GSTM1: variants seen among roughly 807,000 people sequenced by gnomAD.
GSTM1 encodes glutathione S-transferase mu 1, also known as GST HB subunit 4.
In GSTM1, 6 loss-of-function variants were observed where a neutral mutation model predicts 17.3. The ratio of observed to expected loss-of-function variants is 0.35; its 90% confidence interval spans 0.19 to 0.68. GSTM1 has a LOEUF of 0.68. Among genes scored for constraint, GSTM1 ranks in the 30% least tolerant of loss-of-function variants. GSTM1 has a pLI of 0.65. For synonymous variants in GSTM1, 20 were observed against 53.6 expected (o/e 0.37, Z 2.74); for missense variants, 62 against 155.9 (o/e 0.40, Z 3.21).
At position 109,688,663 on chromosome 1, in the gene GSTM1, C is replaced by T. The variant is rs1210174534; in HGVS notation, c.113-10C>T. Reference sequence around the variant, plus strand: ...GGAGGTTTGTTTTCACTTCTTCTTCCCCACCACAGCTCCTGATTATGACAG... The same window carrying T: ...GGAGGTTTGTTTTCACTTCTTCTTCTCCACCACAGCTCCTGATTATGACAG... On this transcript the variant is annotated splice_polypyrimidine_tract_variant and intron_variant, in intron 2 of 7. Transcript: ENST00000309851. 19 of 793,712 alleles carry T rather than the reference C, an allele frequency of 2.4e-5. 7 individuals carry two copies. The Admixed American group carries it at 4.9e-4, about 20-fold the overall frequency. The allele number at this position is 793,712 out of a possible 1,614,324, so 49.2% of individuals were successfully genotyped here. A position where few individuals can be genotyped will look rare whatever the true frequency, so the allele number is the denominator to read the frequency against.
At chr1:109,688,073 G>A in intron 1 of GSTM1, 97 bp from the exon 2 acceptor site, 1 of 792,950 alleles carries the variant, frequency 1.3e-6, no homozygotes, top group Non-Finnish European at 1.8e-6. Context: ...GGTAGAGGAG[G>A]CAACGGGTAC....
rs1404800074 is a variant in GSTM1, at chr1:109,688,876, C to A, written c.177+139C>A. The A allele has an allele frequency of 4.3e-5, 21 of 492,180 alleles. 6 individuals are homozygous for A. Among genetic ancestry groups the A allele is most frequent in the Non-Finnish European group, 7.1e-5 (20 of 283,134 alleles). 30.5% of individuals were successfully genotyped at this position (492,180 alleles called of 1,614,324 possible). On this transcript the variant is annotated intron_variant, in intron 3 of 7. Coordinates refer to ENST00000309851, the MANE Select transcript of GSTM1 (RefSeq NM_000561.4). ...ACTCCTGGCTGTCTAAACAGTCCTT[C>A]CATGATGTTCTGTGTCCACCTGCAT...
chr1:109,688,540 G>A (rs1648016323), intron 2 of GSTM1, 133 bp from the exon 3 acceptor site: 1 of 401,490 alleles, frequency 2.5e-6, no homozygotes, highest in Non-Finnish European at 4.7e-6. Flanking sequence ...TGAACCCTGG[G>A]ATGTGGGACT....
At chr1:109,688,064 G>A (rs1647999015) in intron 1 of GSTM1, 106 bp from the exon 2 acceptor site, 1 of 786,940 alleles carries the variant, frequency 1.3e-6, no homozygotes, top group African/African-American at 1.9e-5. Flanking sequence ...GTGTGGGCGG[G>A]TAGAGGAGGC....
intron 7 of GSTM1, among the ~76,000 whole-genome samples, chr1:109,691,006 A>T (rs2101283865): frequency 1.2e-5 from 1 of 80,978 alleles, no homozygotes; most frequent in Non-Finnish European, 3.2e-5. Flanking sequence ...TGGCAATAGT[A>T]GGACTGACAC....
Position 109,688,076 on chromosome 1 carries a change from A to C in GSTM1, c.37-94A>C. On this transcript the variant is annotated intron_variant, in intron 1 of 7. Transcript: ENST00000309851. ...GGGGTGTGGGCGGGTAGAGGAGGCA[A>C]CGGGTACGTGCAGTGTAAACTGGGG... The C allele has an allele frequency of 2.5e-6, 2 of 794,044 alleles. 1 individual carries two copies. Among genetic ancestry groups the C allele is most frequent in the Non-Finnish European group, 3.6e-6 (2 of 549,966 alleles). 49.2% of individuals were successfully genotyped at this position (794,044 alleles called of 1,614,324 possible).
At chr1:109,687,992 G>A in intron 1 of GSTM1, 83 bp downstream of exon 1, 1 of 707,190 alleles carries the variant, frequency 1.4e-6, no homozygotes, top group Non-Finnish European at 2.1e-6. Flanking sequence ...TCTAGGGACC[G>A]TTCCTCTTCA....
chr1:109,689,159 G>A (rs760303503), intron 4 of GSTM1, 30 bp downstream of exon 4: 1 of 794,108 alleles, frequency 1.3e-6, no homozygotes, highest in South Asian at 1.8e-5. Context: ...ATGTGTGGGG[G>A]GAAGGTGGCC....
In GSTM1 at chr1:109,693,206, G is replaced by C. The variant is rs878938889; in HGVS notation, c.568G>C (p.Gly190Arg). 2 of 791,492 alleles carry C rather than the reference G, an allele frequency of 2.5e-6. No homozygotes were observed. The highest frequency in any genetic ancestry group is 3.7e-5 in the South Asian group (2 of 54,122). The allele number at this position is 791,492 out of a possible 1,614,324, so 49.0% of individuals were successfully genotyped here. A position where few individuals can be genotyped will look rare whatever the true frequency, so the allele number is the denominator to read the frequency against. The change falls in exon 8 of 8, where the codon GGC becomes CGC. Residue 190 changes from glycine to arginine, a missense_variant and splice_region_variant. Transcript: ENST00000309851. ...NLKDFISRFEGLEKISAYMKS... is the reference protein window; with the variant it reads ...NLKDFISRFERLEKISAYMKS... ...CTGGCCTTATTTTCCCCCCTCTCAG[G>C]GCTTGGAGAAGATCTCTGCCTACAT...
rs1648106167 is a variant in GSTM1, at chr1:109,691,856, G to A, written c.567+1292G>A. 7.4e-5 allele frequency among the ~76,000 whole-genome samples: 6 copies of A among 81,060 alleles called. 3 individuals carry two copies. The highest frequency in any genetic ancestry group is 2.1e-4 in the African/African-American group (6 of 28,498). 53.2% of individuals were successfully genotyped at this position (81,060 alleles called of 152,430 possible). A position where few individuals can be genotyped will look rare whatever the true frequency, so the allele number is the denominator to read the frequency against. On this transcript the variant is annotated intron_variant, in intron 7 of 7. Transcript: ENST00000309851. The stretch of plus-strand genomic sequence containing the variant: ...GGAATTTGAGGCATTAGTCCAACGG[G>A]CTTCTGAGCCTAGAATCTGTTTCCC...
rs376235785 is a variant in GSTM1 at position 109,689,029 on chromosome 1, C to G, written c.178-19C>G. On this transcript the variant is annotated intron_variant, in intron 3 of 7. Transcript: ENST00000309851. ...GCCTGGTGGCCCAACTGAGCTTCGC[C>G]GGTTTCCCATCCATCCAGCTGCCCT... is the stretch of plus-strand genomic sequence containing the variant. 2.3e-5 allele frequency: 18 copies of G among 794,804 alleles called. 4 individuals are homozygous for G. In the African/African-American group the frequency reaches 2.4e-4, roughly 11 times the overall value. The allele number at this position is 794,804 out of a possible 1,614,324, so 49.2% of individuals were successfully genotyped here. A position where few individuals can be genotyped will look rare whatever the true frequency, so the allele number is the denominator to read the frequency against.
At position 109,691,846 on chromosome 1, in the gene GSTM1, A is replaced by G. The variant is rs560539936; in HGVS notation, c.567+1282A>G. On this transcript the variant is annotated intron_variant, in intron 7 of 7. Coordinates refer to ENST00000309851, the MANE Select transcript of GSTM1 (RefSeq NM_000561.4). ...TACAGATCTGGGAATTTGAGGCATT[A>G]GTCCAACGGGCTTCTGAGCCTAGAA... Among the ~76,000 whole-genome samples the G allele has an allele frequency of 2.7e-4, 22 of 81,514 alleles. 9 individuals are homozygous for G. The South Asian group carries it at 8.1e-3, about 30-fold the overall frequency. 53.5% of individuals were successfully genotyped at this position (81,514 alleles called of 152,430 possible). A position where few individuals can be genotyped will look rare whatever the true frequency, so the allele number is the denominator to read the frequency against.
rs1296133671 is a variant in GSTM1, at chr1:109,691,635, A to G, written c.567+1071A>G. ...CTCTGCATGAGGCAGGGAGTGAGGC[A>G]CAGTGGGAGATGTATAGATGACTGC... On this transcript the variant is annotated intron_variant, in intron 7 of 7. Coordinates refer to ENST00000309851, the MANE Select transcript of GSTM1 (RefSeq NM_000561.4). Among the ~76,000 whole-genome samples the G allele has an allele frequency of 2.5e-5, 2 of 81,074 alleles. 1 individual carries two copies. Among genetic ancestry groups the G allele is most frequent in the Non-Finnish European group, 6.4e-5 (2 of 31,410 alleles). The allele number at this position is 81,074 out of a possible 152,430, so 53.2% of individuals were successfully genotyped here. A position where few individuals can be genotyped will look rare whatever the true frequency, so the allele number is the denominator to read the frequency against.
At chr1:109,687,975 G>T in intron 1 of GSTM1, 66 bp downstream of exon 1, 1 of 714,396 alleles carries the variant, frequency 1.4e-6, no homozygotes, top group Middle Eastern at 3.9e-4. Context: ...GCAGCTGCGG[G>T]ACGGACTCTA....
chr1:109,692,462 G>A lies in GSTM1; in HGVS notation c.568-744G>A, dbSNP rs1281363800. Among the ~76,000 whole-genome samples, 2 of 80,430 alleles carry A rather than the reference G, an allele frequency of 2.5e-5. 1 individual carries two copies. The highest frequency in any genetic ancestry group is 7.1e-5 in the African/African-American group (2 of 28,156). The allele number at this position is 80,430 out of a possible 152,430, so 52.8% of individuals were successfully genotyped here. ...TGGAGATGCCATGGGTTAGGGCACAGTGAGATTTTGCTCAGGTATTAGATG... is the reference window on the plus strand; with the variant it reads ...TGGAGATGCCATGGGTTAGGGCACAATGAGATTTTGCTCAGGTATTAGATG... On this transcript the variant is annotated intron_variant, in intron 7 of 7. Transcript: ENST00000309851.
intron 7 of GSTM1, among the ~76,000 whole-genome samples, chr1:109,692,500 C>G (rs1648121259): frequency 1.3e-5 from 1 of 79,980 alleles, no homozygotes; most frequent in South Asian, 3.8e-4. Flanking sequence ...GAACTTTGGA[C>G]TTTCTGCTTT....
rs1173098385 is a variant in GSTM1, at chr1:109,687,893, A to G, written c.20A>G (p.Tyr7Cys). The change falls in exon 1 of 8, where the codon TAC becomes TGC. Residue 7 changes from tyrosine to cysteine, a missense_variant. Tyr to Cys is a radical substitution (Grantham distance 194). Coordinates refer to ENST00000309851, the MANE Select transcript of GSTM1 (RefSeq NM_000561.4). ...AGCACCATGCCCATGATACTGGGGT[A>G]CTGGGACATCCGCGGGGTGAGCGAG... MPMILG[Y>C]WDIRGLAHAI... 4 of 794,260 alleles carry G rather than the reference A, an allele frequency of 5.0e-6. 2 individuals carry two copies. The highest frequency in any genetic ancestry group is 7.3e-6 in the Non-Finnish European group (4 of 549,264). The allele number at this position is 794,260 out of a possible 1,614,324, so 49.2% of individuals were successfully genotyped here.
Position 109,688,156 on chromosome 1 carries a change from G to T in GSTM1, c.37-14G>T, listed in dbSNP as rs201810529. 42 of 797,940 alleles carry T rather than the reference G, an allele frequency of 5.3e-5. 17 individuals carry two copies. In the Admixed American group the frequency reaches 8.5e-4, roughly 16 times the overall value. The allele number at this position is 797,940 out of a possible 1,614,324, so 49.4% of individuals were successfully genotyped here. ...CCTCCATCTCTGACGCGACCTGCGG[G>T]CCATCTCTCCCAGCTGGCCCACGCC... On this transcript the variant is annotated splice_polypyrimidine_tract_variant and intron_variant, in intron 1 of 7. Coordinates refer to ENST00000309851, the MANE Select transcript of GSTM1 (RefSeq NM_000561.4).
At position 109,690,212 on chromosome 1, in the gene GSTM1, G is replaced by A. The variant is rs185425072; in HGVS notation, c.361-59G>A. ...CCTGGGCCGTCCACAGCCCCGGGGA[G>A]GCCACGTCTGTGCAGGGAGCTTTTG... On this transcript the variant is annotated intron_variant, in intron 5 of 7. Coordinates refer to ENST00000309851, the MANE Select transcript of GSTM1 (RefSeq NM_000561.4). 2.7e-3 allele frequency: 1,627 copies of A among 610,636 alleles called. 508 individuals carry two copies. In the African/African-American group the frequency reaches 0.03, roughly 11 times the overall value. The allele number at this position is 610,636 out of a possible 1,614,324, so 37.8% of individuals were successfully genotyped here. A position where few individuals can be genotyped will look rare whatever the true frequency, so the allele number is the denominator to read the frequency against.
Sources: allele counts gnomAD v4.1 joint callset (sites outside exome capture counted in the v4.1 genomes callset), GRCh38; gene constraint gnomAD v4.1.1; transcripts MANE v1.5; gene names NCBI Gene and HGNC (gene_info 2026-07-23, HGNC 2026-07-21).